WARS2: variants seen among roughly 807,000 people sequenced by gnomAD.
WARS2 encodes the protein tryptophan--tRNA ligase, mitochondrial.
WARS2 carries 28 observed loss-of-function variants against 36.5 expected under a neutral mutation model. The ratio of observed to expected loss-of-function variants is 0.77; its 90% CI spans 0.57 to 1.05. WARS2 has a LOEUF of 1.05. WARS2 is among the 50% of genes least tolerant of loss of function. The pLI is 0.00. For synonymous variants in WARS2, 174 were observed against 178.4 expected (o/e 0.98, Z 0.20); for missense variants, 435 against 456.8 (o/e 0.95, Z 0.44).
intron 1 of WARS2, among the ~76,000 whole-genome samples, chr1:119,094,220 G>A (rs1374165961): frequency 6.6e-6 from 1 of 152,012 alleles, no homozygotes; most frequent in Non-Finnish European, 1.5e-5. Flanking sequence ...TCATTATGCT[G>A]TAATCTCTCA....
chr1:119,139,000 C>G (rs1380951700), intron 1 of WARS2, among the ~76,000 whole-genome samples: 1 of 151,804 alleles, frequency 6.6e-6, no homozygotes, highest in African/African-American at 2.4e-5. Flanking sequence ...TCTTTTTTTT[C>G]TCTCTCTCTT....
Position 119,060,924 on chromosome 1 carries a change from C to G in WARS2, c.349-15262G>C, listed in dbSNP as rs1445842910. On this transcript the variant is annotated intron_variant, in intron 2 of 5. Transcript: ENST00000235521. ...TTATATTCTATGTATTAACTCTACC[C>G]AAGTATCTGGCCAACCCCTGAATTC... Among the ~76,000 whole-genome samples the G allele has an allele frequency of 2.6e-5, 4 of 152,230 alleles. No individual in the cohort carries two copies. In the East Asian group the frequency reaches 7.7e-4, roughly 29 times the overall value.
chr1:119,136,593 G>C (rs950952109), intron 1 of WARS2, among the ~76,000 whole-genome samples: 1 of 152,222 alleles, frequency 6.6e-6, no homozygotes, highest in Non-Finnish European at 1.5e-5. Context: ...GATGATTGTA[G>C]TAGCTCTTGA....
chr1:119,051,379 T>C (rs1571278255), intron 2 of WARS2, among the ~76,000 whole-genome samples: 1 of 152,364 alleles, frequency 6.6e-6, no homozygotes, highest in Non-Finnish European at 1.5e-5. Context: ...TTTATTTTTA[T>C]GGCTGCACAG....
intron 2 of WARS2, among the ~76,000 whole-genome samples, 158 bp from the exon 3 acceptor site, chr1:119,045,820 T>C (rs1279928831): frequency 6.6e-6 from 1 of 152,190 alleles, no homozygotes; most frequent in African/African-American, 2.4e-5. Flanking sequence ...TCATGAAGCA[T>C]AGACTCTTAG....
At chr1:119,109,617 C>T (rs587688847) in intron 1 of WARS2, among the ~76,000 whole-genome samples, 58 of 151,952 alleles carry the variant, frequency 3.8e-4, no homozygotes, top group Non-Finnish European at 7.2e-4. Flanking sequence ...TTGTAGACAA[C>T]ATAAGTTGAT....
At chr1:119,127,728 C>T (rs375101629) in intron 1 of WARS2, among the ~76,000 whole-genome samples, 1 of 152,206 alleles carries the variant, frequency 6.6e-6, no homozygotes, top group Non-Finnish European at 1.5e-5. Context: ...CTACCTTTCT[C>T]TCACTCTCCT....
chr1:119,063,970 C>A (rs1650617821), intron 2 of WARS2: 1 of 152,188 alleles, frequency 6.6e-6, no homozygotes, highest in Non-Finnish European at 1.5e-5. Context: ...TCCTCCAGAT[C>A]CCAGAATGGT....
intron 1 of WARS2, among the ~76,000 whole-genome samples, chr1:119,108,839 A>T (rs1246364708): frequency 6.6e-6 from 1 of 151,860 alleles, no homozygotes; most frequent in Non-Finnish European, 1.5e-5. Context: ...TTCTTTTCAA[A>T]TATATTCATT....
At chr1:119,045,965 T>G (rs1187228521) in intron 2 of WARS2, among the ~76,000 whole-genome samples, 9 of 152,186 alleles carry the variant, frequency 5.9e-5, no homozygotes, top group Non-Finnish European at 1.3e-4. Context: ...GCATCTGTTC[T>G]ATCTGTAAAA....
chr1:119,063,465 A>C (rs1465714691), intron 2 of WARS2: 3 of 152,180 alleles, frequency 2.0e-5, no homozygotes, highest in Admixed American at 1.3e-4. Context: ...CAAGGAGCCT[A>C]ATGTTAATCC....
At chr1:119,075,672 G>C (rs979072914) in intron 2 of WARS2, among the ~76,000 whole-genome samples, 3 of 152,172 alleles carry the variant, frequency 2.0e-5, no homozygotes, top group Non-Finnish European at 4.4e-5. Context: ...ATGAAGGCAT[G>C]ATCTAGTTAG....
At chr1:119,045,689 A>C (rs746898740) in intron 2 of WARS2, 27 bp from the exon 3 acceptor site, 18 of 1,545,992 alleles carry the variant, frequency 1.2e-5, no homozygotes, top group Non-Finnish European at 1.6e-5. Context: ...GAACATTAGT[A>C]AAGGTGGCCA....
chr1:119,105,792 TC>T (rs1468243329), intron 1 of WARS2, among the ~76,000 whole-genome samples: 2 of 152,064 alleles, frequency 1.3e-5, no homozygotes, highest in African/African-American at 4.8e-5. Flanking sequence ...GCGCTTGTAA[TC>T]CCAGCTACTA....
intron 1 of WARS2, among the ~76,000 whole-genome samples, chr1:119,120,370 TA>T (rs757259729): frequency 1.2e-3 from 178 of 150,082 alleles, no homozygotes; most frequent in African/African-American, 1.6e-3. Flanking sequence ...CAAAAACTCT[TA>T]AAAAAAAATA....
chr1:119,082,206 T>A, intron 1 of WARS2: 18 of 936,526 alleles, frequency 1.9e-5, no homozygotes, highest in Non-Finnish European at 2.3e-5. Flanking sequence ...GCACTTAATA[T>A]GTATTGTTAG....
At chr1:119,093,062 T>C (rs1653154617) in intron 1 of WARS2, among the ~76,000 whole-genome samples, 1 of 152,192 alleles carries the variant, frequency 6.6e-6, no homozygotes, top group South Asian at 2.1e-4. Context: ...AAACCCTTAA[T>C]TTAGTGTATA....
At chr1:119,112,186 G>A (rs199617955) in intron 1 of WARS2, among the ~76,000 whole-genome samples, 1 of 151,954 alleles carries the variant, frequency 6.6e-6, no homozygotes, top group African/African-American at 2.4e-5. Flanking sequence ...CTTCCCAAAG[G>A]GCTGCAATTA....
At chr1:119,096,560 C>T (rs587662447) in intron 1 of WARS2, among the ~76,000 whole-genome samples, 2 of 152,248 alleles carry the variant, frequency 1.3e-5, no homozygotes, top group South Asian at 4.1e-4. Flanking sequence ...ATAAAATCAA[C>T]ACTCACACTC....
Sources: allele counts gnomAD v4.1 joint callset (sites outside exome capture counted in the v4.1 genomes callset), GRCh38; gene constraint gnomAD v4.1.1; transcripts MANE v1.5; gene names NCBI Gene and HGNC (gene_info 2026-07-23, HGNC 2026-07-21).